HMCN1: variants seen among roughly 807,000 people sequenced by gnomAD.
HMCN1 encodes hemicentin-1.
HMCN1 carries 321 observed loss-of-function variants against 625.9 expected under a neutral mutation model. That is an observed-to-expected ratio of 0.51 (90% CI 0.47 to 0.56). The LOEUF is 0.56. Among genes scored for constraint, HMCN1 ranks in the 20% least tolerant of loss-of-function variants. The pLI is 0.00. For missense variants in HMCN1, 6,588 were observed against 6,887.3 expected, an observed-to-expected ratio of 0.96 and a Z score of 1.54; for synonymous variants, 2,425 against 2,417.6, an observed-to-expected ratio of 1.00 and a Z score of -0.09.
intron 1 of HMCN1, among the ~76,000 whole-genome samples, chr1:185,781,911 T>C (rs1471381896): frequency 6.6e-6 from 1 of 152,182 alleles, no homozygotes; most frequent in African/African-American, 2.4e-5. Context: ...CTTGTTAACT[T>C]TCTGTCTTGT....
chr1:185,810,509 C>A (rs1413470178), intron 1 of HMCN1, among the ~76,000 whole-genome samples: 1 of 152,120 alleles, frequency 6.6e-6, no homozygotes, highest in Non-Finnish European at 1.5e-5. Context: ...ACAGTGAATA[C>A]CTGAACATAG....
chr1:186,077,979 C>A, intron 54 of HMCN1, 128 bp from the exon 55 acceptor site: 1 of 695,774 alleles, frequency 1.4e-6, no homozygotes, highest in Non-Finnish European at 2.6e-6. Context: ...TAAAACTGAA[C>A]CATTGGATGA....
At chr1:185,980,464 A>C (rs1651539292) in intron 16 of HMCN1, among the ~76,000 whole-genome samples, 1 of 152,182 alleles carries the variant, frequency 6.6e-6, no homozygotes, top group Non-Finnish European at 1.5e-5. Context: ...GTCGTGCTGG[A>C]CTTGGGATAA....
intron 1 of HMCN1, among the ~76,000 whole-genome samples, chr1:185,811,139 TAGG>T (rs1402437173): frequency 6.6e-6 from 1 of 152,102 alleles, no homozygotes; most frequent in Non-Finnish European, 1.5e-5. Flanking sequence ...GGACTTAAGA[TAGG>T]AGTGGTCTTA....
At chr1:185,828,100 A>C (rs1660634534) in intron 1 of HMCN1, among the ~76,000 whole-genome samples, 1 of 152,212 alleles carries the variant, frequency 6.6e-6, no homozygotes, top group Non-Finnish European at 1.5e-5. Flanking sequence ...GTTAAGCAAG[A>C]GGTGTCTAAA....
At chr1:185,869,516 C>G (rs977253608) in intron 4 of HMCN1, among the ~76,000 whole-genome samples, 1 of 151,928 alleles carries the variant, frequency 6.6e-6, no homozygotes, top group African/African-American at 2.4e-5. Context: ...CTGATTGTTA[C>G]TTGGAAATAA....
Position 185,734,844 on chromosome 1 carries a change from A to G in HMCN1, c.65A>G (p.Gln22Arg), listed in dbSNP as rs747719975. The change falls in exon 1 of 107, where the codon CAA (glutamine) becomes CGA (arginine). Residue 22 changes from glutamine (Q) to arginine (R), a missense_variant. Coordinates refer to ENST00000271588, the MANE Select transcript of HMCN1 (RefSeq NM_031935.3). ...GCTCTTCTTTATTCTTCCCTAGCTCAAGATGCGAGCCCCCAGTCAGAGATC... is the reference window on the plus strand; with the variant it reads ...GCTCTTCTTTATTCTTCCCTAGCTCGAGATGCGAGCCCCCAGTCAGAGATC... ...LFALLYSSLA[Q>R]DASPQSEIRA... 1.2e-6 allele frequency: 2 copies of G among 1,614,016 alleles called. No homozygotes were observed. Among genetic ancestry groups the G allele is most frequent in the East Asian group, 2.2e-5 (1 of 44,856 alleles).
intron 4 of HMCN1, among the ~76,000 whole-genome samples, chr1:185,871,027 C>T (rs184780064): frequency 1.2e-4 from 19 of 152,044 alleles, no homozygotes; most frequent in Admixed American, 3.9e-4. Context: ...GTCAAGAGAT[C>T]GAGACCATCC....
intron 23 of HMCN1, 89 bp from the exon 24 acceptor site, chr1:185,994,726 C>A: frequency 7.8e-7 from 1 of 1,280,440 alleles, no homozygotes; most frequent in Non-Finnish European, 1.1e-6. Flanking sequence ...TTTTCCATGG[C>A]TGCCTGTTGA....
rs767069764 is a variant in HMCN1 at position 185,923,480 on chromosome 1, C to G, written c.1112C>G (p.Ser371Cys). 6.2e-7 allele frequency: 1 copy of G among 1,610,804 alleles called. No individual in the cohort carries two copies. The highest frequency in any genetic ancestry group is 8.5e-7 in the Non-Finnish European group (1 of 1,177,316). Residue 371 changes from serine (S) to cysteine (C), a missense_variant, in exon 8 of 107, where the codon TCT becomes TGT. Ser to Cys is a moderately radical substitution (Grantham distance 112, BLOSUM62 -1). Around this residue, in one of 3 missense-constraint regions of HMCN1, gnomAD observed 4,628 missense variants for 4,853.1 expected, o/e 0.95. Transcript: ENST00000271588. Reference protein sequence around the residue: ...LLELLSISGSSLKTIPVKYYP... With the variant: ...LLELLSISGSCLKTIPVKYYP... ...GAACTTTTGAGTATCTCAGGAAGTTCTCTTAAGACTATTCCTGTTAAATAT... is the reference window on the plus strand; with the variant it reads ...GAACTTTTGAGTATCTCAGGAAGTTGTCTTAAGACTATTCCTGTTAAATAT...
intron 2 of HMCN1, among the ~76,000 whole-genome samples, chr1:185,852,593 C>T (rs960337697): frequency 2.8e-5 from 4 of 142,246 alleles, no homozygotes; most frequent in South Asian, 2.3e-4. Context: ...CACACACACA[C>T]ACACACACAC....
rs924936613 is a variant in HMCN1, at chr1:186,037,458, G to GA, written c.5750-469dup. 3.3e-5 allele frequency among the ~76,000 whole-genome samples: 5 copies of GA among 151,934 alleles called. No individual in the cohort carries two copies. The East Asian group carries it at 5.8e-4, about 18-fold the overall frequency. On this transcript the variant is annotated intron_variant, in intron 36 of 106. Coordinates refer to ENST00000271588, the MANE Select transcript of HMCN1 (RefSeq NM_031935.3). ...CTTAAGTCTAAATTTTATATCAAAG[G>GA]AAAAAAACTGCCAAAAACCACACAA...
At chr1:185,978,047 A>G in intron 16 of HMCN1, 66 bp downstream of exon 16, 2 of 1,135,948 alleles carry the variant, frequency 1.8e-6, no homozygotes. Flanking sequence ...TGTTTTATAC[A>G]TAGGTATTGC....
chr1:185,735,482 G>GA (rs1270237333), intron 1 of HMCN1, among the ~76,000 whole-genome samples: 1 of 152,154 alleles, frequency 6.6e-6, no homozygotes, highest in Non-Finnish European at 1.5e-5. Context: ...TTTAAGAGGG[G>GA]AAAAAACCTG....
At chr1:186,123,306 CAAA>C (rs1661486387) in intron 81 of HMCN1, 86 bp downstream of exon 81, 1 of 1,488,930 alleles carries the variant, frequency 6.7e-7, no homozygotes, top group African/African-American at 1.4e-5. Flanking sequence ...TGATGGAAGT[CAAA>C]AACCCTTAAA....
Position 185,798,325 on chromosome 1 carries a change from G to A in HMCN1, c.269-47701G>A, listed in dbSNP as rs61829881. Among the ~76,000 whole-genome samples the A allele has an allele frequency of 1.4e-3, 215 of 152,268 alleles. 1 individual carries two copies. Among genetic ancestry groups the A allele is most frequent in the Admixed American group, 2.6e-3 (40 of 15,300 alleles). Reference sequence around the variant, plus strand: ...GGCAATTAGATGCTTTTCTCTTGCTGACTTTAGGCTGATGATTGTATGTCT... The same window carrying A: ...GGCAATTAGATGCTTTTCTCTTGCTAACTTTAGGCTGATGATTGTATGTCT... On this transcript the variant is annotated intron_variant, in intron 1 of 106. Coordinates refer to ENST00000271588, the MANE Select transcript of HMCN1 (RefSeq NM_031935.3).
chr1:185,966,041 A>C, intron 14 of HMCN1, 126 bp downstream of exon 14: 1 of 703,876 alleles, frequency 1.4e-6, no homozygotes, highest in Non-Finnish European at 2.6e-6. Context: ...TTATGATCTC[A>C]CTGGAGACAA....
Position 186,088,174 on chromosome 1 carries a change from G to C in HMCN1, c.9475G>C (p.Glu3159Gln). ...VPPSIEGPER[E>Q]VIVETISNPV... Reference sequence around the variant, plus strand: ...ACCCAGTATTGAAGGACCTGAAAGAGAAGTGATTGTGGAGACGATCAGCAA... The same window carrying C: ...ACCCAGTATTGAAGGACCTGAAAGACAAGTGATTGTGGAGACGATCAGCAA... The change falls in exon 62 of 107, where the codon GAA becomes CAA. Residue 3159 changes from glutamate (E) to glutamine (Q), a missense_variant. Glu to Gln is a conservative substitution (Grantham distance 29). Coordinates refer to ENST00000271588, the MANE Select transcript of HMCN1 (RefSeq NM_031935.3). 2 of 1,611,372 alleles carry C rather than the reference G, an allele frequency of 1.2e-6. No individual in the cohort carries two copies. Among genetic ancestry groups the C allele is most frequent in the South Asian group, 1.1e-5 (1 of 90,850 alleles).
chr1:185,800,370 G>A (rs1234279487), intron 1 of HMCN1, among the ~76,000 whole-genome samples: 4 of 152,024 alleles, frequency 2.6e-5, no homozygotes, highest in Non-Finnish European at 4.4e-5. Context: ...GAAAAGGTGA[G>A]TGCTAGCCAC....
Sources: gnomAD v4.1 joint callset for allele counts (sites outside exome capture counted in the v4.1 genomes callset) on GRCh38, gnomAD v4.1.1 for gene constraint, gnomAD v4.1.1 regional missense constraint, MANE v1.5 for transcripts, NCBI Gene and HGNC (gene_info 2026-07-23, HGNC 2026-07-21) for gene names.